FGFR3: variants seen among roughly 807,000 people sequenced by gnomAD.
FGFR3 encodes fibroblast growth factor receptor 3.
A neutral mutation model predicts 82.9 loss-of-function variants in FGFR3; 25 were observed. The observed-to-expected ratio is 0.30, with a 90% CI of 0.22 to 0.42. The LOEUF (loss-of-function observed/expected upper bound fraction) is 0.42, where lower values mean the gene tolerates loss of function less well. FGFR3 is among the 10% of genes least tolerant of loss of function. The pLI is 1.00. For synonymous variants in FGFR3, 620 were observed against 516.0 expected (o/e 1.20, Z -2.73); for missense variants, 1,026 against 1,161.0 (o/e 0.88, Z 1.69).
intron 3 of FGFR3, 94 bp downstream of exon 3, chr4:1,799,617 G>A: frequency 1.9e-6 from 3 of 1,549,978 alleles, no homozygotes; most frequent in Non-Finnish European, 2.6e-6. Context: ...GGTCTCTCTG[G>A]TCATTGGTGG....
In FGFR3 at chr4:1,807,402, T is replaced by TGTGTGTGTGC; in HGVS notation, c.*149_*150insCGTGTGTGTG. The TGTGTGTGTGC allele has an allele frequency of 1.0e-4, 1 of 10,022 alleles. No individual in the cohort carries two copies. Among genetic ancestry groups the TGTGTGTGTGC allele is most frequent in the East Asian group, 9.6e-3 (1 of 104 alleles). 0.6% of individuals were successfully genotyped at this position (10,022 alleles called of 1,614,324 possible). Reference sequence around the variant, plus strand: ...TTTGGTCTGTGTGTGTGTGTGTGCGTGTGTGTGTGTGTGTGTGCACATCCG... The same window carrying TGTGTGTGTGC: ...TTTGGTCTGTGTGTGTGTGTGTGCGTGTGTGTGTGCGTGTGTGTGTGTGTGTGCACATCCG... On this transcript the variant is annotated 3_prime_UTR_variant, in exon 18 of 18. Coordinates refer to ENST00000440486, the MANE Select transcript of FGFR3 (RefSeq NM_000142.5).
At position 1,806,641 on chromosome 4, in the gene FGFR3, A is replaced by G. The variant is rs755133781; in HGVS notation, c.2126A>G (p.Glu709Gly). 13 of 1,612,520 alleles carry G rather than the reference A, an allele frequency of 8.1e-6. No individual in the cohort carries two copies. The highest frequency in any genetic ancestry group is 5.0e-5 in the Admixed American group (3 of 59,960). Residue 709 changes from glutamate to glycine, a missense_variant, in exon 16 of 18, where the codon GAG becomes GGG. Transcript: ENST00000440486. ...PVEELFKLLK[E>G]GHRMDKPANC... is the part of the protein sequence containing the mutation. ...GAGGAGCTCTTCAAGCTGCTGAAGG[A>G]GGGCCACCGCATGGACAAGCCCGCC... is the stretch of plus-strand genomic sequence containing the variant.
At position 1,807,981 on chromosome 4, in the gene FGFR3, G is replaced by GC; in HGVS notation, c.*720dup. 2 of 251,906 alleles carry GC rather than the reference G, an allele frequency of 7.9e-6. 1 individual carries two copies. The highest frequency in any genetic ancestry group is 2.5e-4 in the South Asian group (2 of 8,138). 15.6% of individuals were successfully genotyped at this position (251,906 alleles called of 1,614,324 possible). A position where few individuals can be genotyped will look rare whatever the true frequency, so the allele number is the denominator to read the frequency against. On this transcript the variant is annotated 3_prime_UTR_variant, in exon 18 of 18. Coordinates refer to ENST00000440486, the MANE Select transcript of FGFR3 (RefSeq NM_000142.5). Reference sequence around the variant, plus strand: ...GCGACCCTGGGGGCACAGGAGGCAGGCATGGCCCTGGGCGGGGCGTGGGGG... The same window carrying GC: ...GCGACCCTGGGGGCACAGGAGGCAGGCCATGGCCCTGGGCGGGGCGTGGGGG...
rs1007000007 is a variant in FGFR3 at position 1,804,216 on chromosome 4, G to A, written c.1076-114G>A. On this transcript the variant is annotated intron_variant, in intron 8 of 17. Transcript: ENST00000440486. ...ACCCTCCAGACAAGGCGCGTGCTGA[G>A]GTTCTGAGCCCCCTTCCGCTCCCAG... 81 of 1,228,104 alleles carry A rather than the reference G, an allele frequency of 6.6e-5. No individual in the cohort carries two copies. The Middle Eastern group carries it at 7.2e-4, about 11-fold the overall frequency. The allele number at this position is 1,228,104 out of a possible 1,614,324, so 76.1% of individuals were successfully genotyped here.
chr4:1,801,825 G>C lies in FGFR3; in HGVS notation c.740-10G>C. ...AGGGGGTGGCCCCTGAGCGTCATCT[G>C]CCCCCACAGAGCGCTCCCCGCACCG... On this transcript the variant is annotated splice_polypyrimidine_tract_variant and intron_variant, in intron 6 of 17. Transcript: ENST00000440486. 6.2e-7 allele frequency: 1 copy of C among 1,604,698 alleles called. No homozygotes were observed. The highest frequency in any genetic ancestry group is 8.5e-7 in the Non-Finnish European group (1 of 1,175,242).
chr4:1,794,115 C>G, intron 2 of FGFR3, 72 bp downstream of exon 2: 1 of 956,020 alleles, frequency 1.0e-6, no homozygotes, highest in Non-Finnish European at 1.4e-6. Flanking sequence ...GGGAACCGGC[C>G]CCGGGTCGGA....
At chr4:1,795,511 C>T (rs1356199994) in intron 2 of FGFR3, among the ~76,000 whole-genome samples, 1 of 151,004 alleles carries the variant, frequency 6.6e-6, no homozygotes, top group Non-Finnish European at 1.5e-5. Flanking sequence ...TAATCCGGTT[C>T]CTTAACAAGA....
chr4:1,801,688 C>T lies in FGFR3; in HGVS notation c.684C>T (p.Cys228=), dbSNP rs769248723. ...CCTCGGACCGCGGCAACTACACCTG[C>T]GTCGTGGAGAACAAGTTTGGCAGCA... The part of the protein sequence containing the change: ...VVPSDRGNYT[C]VVENKFGSIR... The change falls in exon 6 of 18, where the codon TGC becomes TGT. Residue 228 remains cysteine, a synonymous_variant. Transcript: ENST00000440486. The T allele has an allele frequency of 4.3e-5, 70 of 1,610,952 alleles. 1 individual carries two copies. The East Asian group carries it at 5.8e-4, about 13-fold the overall frequency.
At chr4:1,804,286 G>C (rs780329181) in intron 8 of FGFR3, 44 bp from the exon 9 acceptor site, 123 of 414,242 alleles carry the variant, frequency 3.0e-4, no homozygotes, top group Middle Eastern at 2.1e-3. Context: ...GGAGCCCCGT[G>C]GGGGGGGGGG....
chr4:1,797,021 G>C (rs973728129), intron 2 of FGFR3, among the ~76,000 whole-genome samples: 8 of 152,284 alleles, frequency 5.3e-5, no homozygotes, highest in African/African-American at 1.4e-4. Context: ...GCAGGAGCAC[G>C]TGTTGTGGGA....
In FGFR3 at chr4:1,803,697, G is replaced by A. The variant is rs199856426; in HGVS notation, c.936G>A (p.Ala312=). The change falls in exon 8 of 18, where the codon GCG becomes GCA. Residue 312 remains alanine (A), a synonymous_variant. Coordinates refer to ENST00000440486, the MANE Select transcript of FGFR3 (RefSeq NM_000142.5). ...GCTCTGCTCTCTCTTTGTAGACGGC[G>A]GGCGCTAACACCACCGACAAGGAGC... ...GTPYVTVLKT[A]GANTTDKELE... 34 of 1,613,486 alleles carry A rather than the reference G, an allele frequency of 2.1e-5. No individual in the cohort carries two copies. Among genetic ancestry groups the A allele is most frequent in the Middle Eastern group, 1.6e-4 (1 of 6,080 alleles).
At chr4:1,795,218 C>T (rs1011658722) in intron 2 of FGFR3, among the ~76,000 whole-genome samples, 1 of 152,020 alleles carries the variant, frequency 6.6e-6, no homozygotes, top group Non-Finnish European at 1.5e-5. Flanking sequence ...AGCGTCTGCT[C>T]GGGCGGCCCC....
At chr4:1,803,948 T>C in intron 8 of FGFR3, 112 bp downstream of exon 8, 2 of 1,219,100 alleles carry the variant, frequency 1.6e-6, no homozygotes, top group Non-Finnish European at 2.4e-6. Context: ...CCGTCCCGCT[T>C]CTTGAGCCCT....
intron 7 of FGFR3, chr4:1,803,054 G>GC: frequency 1.6e-5 from 26 of 1,595,480 alleles, no homozygotes; most frequent in Non-Finnish European, 2.0e-5. Context: ...GCGTTCACGG[G>GC]CCCCGAGCAG....
In FGFR3 at chr4:1,807,576, C is replaced by G; in HGVS notation, c.*314C>G. The G allele has an allele frequency of 2.9e-6, 2 of 691,642 alleles. No individual in the cohort carries two copies. Among genetic ancestry groups the G allele is most frequent in the Non-Finnish European group, 5.4e-6 (2 of 369,768 alleles). 42.8% of individuals were successfully genotyped at this position (691,642 alleles called of 1,614,324 possible). On this transcript the variant is annotated 3_prime_UTR_variant, in exon 18 of 18. Transcript: ENST00000440486. ...CAGTGCAGAATGTAAGTGGGCCCAC[C>G]CGGTGGGACCCCCGTGGGGCAGGGA...
chr4:1,803,891 G>A, intron 8 of FGFR3, 55 bp downstream of exon 8: 1 of 1,574,686 alleles, frequency 6.4e-7, no homozygotes, highest in Non-Finnish European at 8.7e-7. Context: ...CGCTGGCTCG[G>A]GACACGCCAA....
chr4:1,804,763 G>C (rs1431354482), intron 9 of FGFR3, 61 bp from the exon 10 acceptor site: 2 of 1,545,902 alleles, frequency 1.3e-6, no homozygotes, highest in Non-Finnish European at 1.7e-6. Context: ...ACTGACCCCC[G>C]GCTGTACCTC....
chr4:1,805,705 G>A (rs2108803963), intron 12 of FGFR3, 36 bp downstream of exon 12: 5 of 1,611,042 alleles, frequency 3.1e-6, no homozygotes, highest in Non-Finnish European at 3.4e-6. Flanking sequence ...CGGCTGGGCG[G>A]CCCTCCTGGG....
At chr4:1,798,407 A>G (rs1350350890) in intron 2 of FGFR3, among the ~76,000 whole-genome samples, 1 of 150,358 alleles carries the variant, frequency 6.7e-6, no homozygotes, top group African/African-American at 2.5e-5. Context: ...GGCCTGTGAG[A>G]CCCACTTGGC....
Sources: allele counts gnomAD v4.1 joint callset (sites outside exome capture counted in the v4.1 genomes callset), GRCh38; gene constraint gnomAD v4.1.1; transcripts MANE v1.5; gene names NCBI Gene and HGNC (gene_info 2026-07-23, HGNC 2026-07-21).